The following MIB1 variants were observed in gnomAD, a reference collection of about 807,000 sequenced individuals.
MIB1 encodes the protein E3 ubiquitin-protein ligase MIB1.
In MIB1, 278 loss-of-function variants were observed where a neutral mutation model predicts 124.5. The observed-to-expected ratio is 2.23, with a 90% confidence interval of 2.02 to 2.47. The LOEUF (loss-of-function observed/expected upper bound fraction) is 2.47, where lower values mean the gene tolerates loss of function less well. MIB1 is among the 30% of genes most tolerant of loss of function. The pLI is 0.00. For synonymous variants in MIB1, 446 were observed against 429.4 expected, an observed-to-expected ratio of 1.04 and a Z score of -0.48; for missense variants, 957 against 1,254.4, an observed-to-expected ratio of 0.76 and a Z score of 3.58.
chr18:21,705,750 G>A (rs1236163594), intron 1 of MIB1, among the ~76,000 whole-genome samples: 1 of 152,186 alleles, frequency 6.6e-6, no homozygotes, highest in Non-Finnish European at 1.5e-5. Flanking sequence ...CTCCGATTTG[G>A]TCATTGCAAC....
chr18:21,730,219 T>C (rs946572995), intron 1 of MIB1, among the ~76,000 whole-genome samples: 1 of 152,206 alleles, frequency 6.6e-6, no homozygotes, highest in Non-Finnish European at 1.5e-5. Context: ...GGTTTTCATG[T>C]TTTCCTTTCT....
At chr18:21,752,651 A>G (rs985181003) in intron 1 of MIB1, among the ~76,000 whole-genome samples, 3 of 152,232 alleles carry the variant, frequency 2.0e-5, no homozygotes, top group Non-Finnish European at 2.9e-5. Context: ...GAAGAATATA[A>G]GGAAACAACT....
At chr18:21,735,225 G>A (rs535120348) in intron 1 of MIB1, among the ~76,000 whole-genome samples, 10 of 152,168 alleles carry the variant, frequency 6.6e-5, no homozygotes, top group Non-Finnish European at 1.5e-4. Flanking sequence ...AGTGGGTGCA[G>A]CCCACGGAGG....
intron 12 of MIB1, among the ~76,000 whole-genome samples, chr18:21,823,489 A>G (rs969679060): frequency 1.3e-5 from 2 of 152,110 alleles, no homozygotes; most frequent in South Asian, 2.1e-4. Flanking sequence ...TAGATGTCCT[A>G]TATTTTTGAA....
chr18:21,864,677 T>G lies in MIB1; in HGVS notation c.*11T>G. ...ATTCTTTTGTATTAACTAAGACACA[T>G]GGTGTATTTTGTTAGCTAATGTATC... On this transcript the variant is annotated 3_prime_UTR_variant, in exon 21 of 21. Transcript: ENST00000261537. The G allele has an allele frequency of 6.2e-7, 1 of 1,605,746 alleles. No homozygotes were observed. Among genetic ancestry groups the G allele is most frequent in the Non-Finnish European group, 8.5e-7 (1 of 1,173,614 alleles).
At chr18:21,785,108 A>G (rs1160874998) in intron 6 of MIB1, among the ~76,000 whole-genome samples, 1 of 152,188 alleles carries the variant, frequency 6.6e-6, no homozygotes, top group Non-Finnish European at 1.5e-5. Context: ...TGCCTCGGCT[A>G]CCAAAATAGG....
intron 1 of MIB1, among the ~76,000 whole-genome samples, chr18:21,761,203 A>G (rs1309800613): frequency 1.3e-5 from 2 of 151,226 alleles, no homozygotes; most frequent in African/African-American, 4.8e-5. Flanking sequence ...TAGTTGCAAA[A>G]CTATTCTCGG....
chr18:21,805,799 A>C (rs942003343), intron 10 of MIB1, among the ~76,000 whole-genome samples: 16 of 151,800 alleles, frequency 1.1e-4, no homozygotes, highest in Non-Finnish European at 1.9e-4. Flanking sequence ...TTGCGTTTCT[A>C]GAGATTTTTG....
In MIB1 at chr18:21,741,955, C is replaced by A; in HGVS notation, c.229+143C>A. 1.4e-6 allele frequency: 1 copy of A among 710,756 alleles called. No homozygotes were observed. The highest frequency in any genetic ancestry group is 2.2e-6 in the Non-Finnish European group (1 of 445,466). The allele number at this position is 710,756 out of a possible 1,614,324, so 44.0% of individuals were successfully genotyped here. A position where few individuals can be genotyped will look rare whatever the true frequency, so the allele number is the denominator to read the frequency against. ...TGGAGCGAGCGGAAAGGCAAAGCGC[C>A]AAAGGAATTCTAGGTTCCGAACGGG... is the stretch of plus-strand genomic sequence containing the variant. On this transcript the variant is annotated intron_variant, in intron 1 of 20. Transcript: ENST00000261537. This position sits in a 1 kb window ranked among gnomAD's most constrained non-coding sequence, Gnocchi z 5.4.
intron 1 of MIB1, among the ~76,000 whole-genome samples, chr18:21,756,652 T>C (rs2041035153): frequency 6.6e-6 from 1 of 152,054 alleles, no homozygotes; most frequent in Non-Finnish European, 1.5e-5. Flanking sequence ...TTAGTAAAGA[T>C]GGGGTTTCGC....
intron 6 of MIB1, among the ~76,000 whole-genome samples, chr18:21,788,424 C>T (rs188340649): frequency 7.3e-4 from 111 of 152,244 alleles, no homozygotes; most frequent in Middle Eastern, 6.8e-3. Context: ...AACACCCTTT[C>T]GTGATAAAAA....
At chr18:21,787,777 T>C (rs1480042645) in intron 6 of MIB1, among the ~76,000 whole-genome samples, 2 of 151,338 alleles carry the variant, frequency 1.3e-5, no homozygotes, top group Non-Finnish European at 2.9e-5. Context: ...TTTTTTTCGA[T>C]TTTCTGTTGG....
Position 21,838,286 on chromosome 18 carries a change from A to G in MIB1, c.1830-79A>G, listed in dbSNP as rs570948249. ...AGCATTTTTTTCTTTAAAGAGGAGT[A>G]TCTTCATTTGATTGCAAACTTTTCT... On this transcript the variant is annotated intron_variant, in intron 12 of 20. Coordinates refer to ENST00000261537, the MANE Select transcript of MIB1 (RefSeq NM_020774.4). The G allele has an allele frequency of 8.1e-5, 77 of 949,436 alleles. No individual in the cohort carries two copies. In the African/African-American group the frequency reaches 1.2e-3, roughly 15 times the overall value. The allele number at this position is 949,436 out of a possible 1,614,324, so 58.8% of individuals were successfully genotyped here.
At chr18:21,717,846 A>G (rs774371575) in intron 1 of MIB1, among the ~76,000 whole-genome samples, 10 of 152,254 alleles carry the variant, frequency 6.6e-5, no homozygotes, top group Non-Finnish European at 8.8e-5. Context: ...GAGATTCCTT[A>G]AAGAACTAAA....
At chr18:21,751,831 A>C (rs2040978584) in intron 1 of MIB1, among the ~76,000 whole-genome samples, 1 of 152,144 alleles carries the variant, frequency 6.6e-6, no homozygotes, top group African/African-American at 2.4e-5. Flanking sequence ...TTCTAGATTC[A>C]AAATATTTTT....
At chr18:21,751,653 CATTTT>C (rs1237300652) in intron 1 of MIB1, among the ~76,000 whole-genome samples, 2 of 152,124 alleles carry the variant, frequency 1.3e-5, no homozygotes, top group Non-Finnish European at 2.9e-5. Flanking sequence ...ATTCCCTTCT[CATTTT>C]ATTGGGGGAA....
chr18:21,741,764 CG>C lies in MIB1; in HGVS notation c.182del (p.Arg61ProfsTer60). Reference sequence around the variant, plus strand: ...GGACAACGGCACAGCTGCCAACTACCGCTGCTCCGGGGCTTACGACCTCCGC... The same window carrying C: ...GGACAACGGCACAGCTGCCAACTACCCTGCTCCGGGGCTTACGACCTCCGC... ...VWDNGTAANY[R>X]CSGAYDLRIL... On this transcript the variant is annotated frameshift_variant, in exon 1 of 21. Transcript: ENST00000261537. LOFTEE classifies it high-confidence loss of function. The surrounding 1 kb of genome is among the most constrained non-coding windows in gnomAD (Gnocchi z 5.4). The C allele has an allele frequency of 6.2e-7, 1 of 1,610,046 alleles. No individual in the cohort carries two copies.
At chr18:21,807,595 G>A (rs978245259) in intron 10 of MIB1, among the ~76,000 whole-genome samples, 7 of 152,162 alleles carry the variant, frequency 4.6e-5, no homozygotes, top group Admixed American at 1.3e-4. Context: ...GGAAATGTCC[G>A]GAGGCATTTT....
chr18:21,763,360 T>G (rs757329756), intron 1 of MIB1, among the ~76,000 whole-genome samples: 3 of 152,180 alleles, frequency 2.0e-5, no homozygotes, highest in African/African-American at 4.8e-5. Flanking sequence ...ATAATTTATC[T>G]CCAAGTCTCT....
Sources: gnomAD v4.1 joint callset for allele counts (sites outside exome capture counted in the v4.1 genomes callset) on GRCh38, gnomAD v4.1.1 for gene constraint, Gnocchi (gnomAD v3.1) non-coding constraint, MANE v1.5 for transcripts, NCBI Gene and HGNC (gene_info 2026-07-23, HGNC 2026-07-21) for gene names.